RAPGEF5: variants seen among roughly 807,000 people sequenced by gnomAD.
RAPGEF5 encodes M-Ras-regulated GEF.
In RAPGEF5, 65 loss-of-function variants were observed where a neutral mutation model predicts 125.2. The ratio of observed to expected loss-of-function variants is 0.52; its 90% CI spans 0.43 to 0.64. The LOEUF (loss-of-function observed/expected upper bound fraction) is 0.64, where lower values mean the gene tolerates loss of function less well. RAPGEF5 is among the 30% of genes least tolerant of loss of function. The probability of loss-of-function intolerance (pLI) is 0.00; values close to 1 mark genes in which losing one functional copy is unlikely to be tolerated. For missense variants in RAPGEF5, 958 were observed against 1,048.1 expected (o/e 0.91, Z 1.19); for synonymous variants, 391 against 385.9 (o/e 1.01, Z -0.16).
At chr7:22,265,205 T>C (rs1378322893) in intron 7 of RAPGEF5, among the ~76,000 whole-genome samples, 1 of 152,232 alleles carries the variant, frequency 6.6e-6, no homozygotes, top group Non-Finnish European at 1.5e-5. Flanking sequence ...TATTGAACAG[T>C]AGAGAATTTA....
At chr7:22,316,716 T>C (rs1053136834) in intron 2 of RAPGEF5, among the ~76,000 whole-genome samples, 2 of 151,416 alleles carry the variant, frequency 1.3e-5, no homozygotes, top group Non-Finnish European at 2.9e-5. Flanking sequence ...CAGGCTGGTC[T>C]TGAACTCCTG....
intron 9 of RAPGEF5, among the ~76,000 whole-genome samples, chr7:22,207,359 C>T (rs866279040): frequency 4.6e-5 from 7 of 151,980 alleles, no homozygotes; most frequent in South Asian, 4.2e-4. Flanking sequence ...GAGAGTTGCG[C>T]GTTATAGTTT....
chr7:22,263,519 C>T (rs976915219), intron 7 of RAPGEF5, among the ~76,000 whole-genome samples: 3 of 152,020 alleles, frequency 2.0e-5, no homozygotes, highest in Admixed American at 2.0e-4. Flanking sequence ...CACCTGAGGT[C>T]AAGAGTTCAA....
intron 7 of RAPGEF5, among the ~76,000 whole-genome samples, chr7:22,248,806 A>T (rs1786545333): frequency 6.6e-6 from 1 of 152,164 alleles, no homozygotes; most frequent in African/African-American, 2.4e-5. Flanking sequence ...AATACTAAAA[A>T]TCAAAGTGAA....
At chr7:22,324,686 T>C (rs918539188) in intron 1 of RAPGEF5, among the ~76,000 whole-genome samples, 1 of 152,202 alleles carries the variant, frequency 6.6e-6, no homozygotes, top group Admixed American at 6.5e-5. Flanking sequence ...AAATACAACA[T>C]TTATTTCTTT....
intron 6 of RAPGEF5, among the ~76,000 whole-genome samples, chr7:22,289,405 C>T (rs1782877822): frequency 1.3e-5 from 2 of 152,232 alleles, no homozygotes; most frequent in East Asian, 3.8e-4. Flanking sequence ...GCTACTCAAA[C>T]TCTGTAAGCT....
chr7:22,211,940 C>G (rs1785515151), intron 9 of RAPGEF5, among the ~76,000 whole-genome samples: 3 of 149,560 alleles, frequency 2.0e-5, no homozygotes, highest in African/African-American at 7.4e-5. Flanking sequence ...ACATCAGGCC[C>G]CTTGTGTTAT....
intron 7 of RAPGEF5, among the ~76,000 whole-genome samples, chr7:22,244,435 C>A (rs1395071703): frequency 6.6e-6 from 1 of 152,106 alleles, no homozygotes; most frequent in East Asian, 1.9e-4. Flanking sequence ...GGATCAGTAG[C>A]GGCATTAGAT....
chr7:22,345,921 T>C lies in RAPGEF5; in HGVS notation c.231+10909A>G, dbSNP rs141234657. Among the ~76,000 whole-genome samples, 17 of 152,328 alleles carry C rather than the reference T, an allele frequency of 1.1e-4. 1 individual carries two copies. Among genetic ancestry groups the C allele is most frequent in the Non-Finnish European group, 1.9e-4 (13 of 68,020 alleles). ...AACAGATTTATAGATGTGTTCTTTT[T>C]ACTCTTTTGATATGACAGATTCTTG... On this transcript the variant is annotated intron_variant, in intron 1 of 25. Coordinates refer to ENST00000665637, the MANE Select transcript of RAPGEF5 (RefSeq NM_012294.5).
intron 7 of RAPGEF5, among the ~76,000 whole-genome samples, chr7:22,236,464 A>G (rs1786192511): frequency 6.6e-6 from 1 of 152,160 alleles, no homozygotes; most frequent in Non-Finnish European, 1.5e-5. Context: ...CGGCGTGAGG[A>G]CACGAAGGTC....
intron 23 of RAPGEF5, among the ~76,000 whole-genome samples, chr7:22,132,451 C>G (rs2128100206): frequency 6.6e-6 from 1 of 151,968 alleles, no homozygotes; most frequent in Middle Eastern, 3.4e-3. Flanking sequence ...AGTCTCCTGA[C>G]AAACTCTCTG....
intron 2 of RAPGEF5, among the ~76,000 whole-genome samples, chr7:22,316,028 T>C (rs1562525320): frequency 1.3e-5 from 2 of 152,214 alleles, no homozygotes; most frequent in Non-Finnish European, 2.9e-5. Context: ...CGGTTTCATC[T>C]ACTTCATAAT....
intron 7 of RAPGEF5, among the ~76,000 whole-genome samples, chr7:22,258,080 T>C (rs1782046687): frequency 6.6e-6 from 1 of 152,166 alleles, no homozygotes; most frequent in South Asian, 2.1e-4. Flanking sequence ...TTAGAACTCA[T>C]TGGAGTTCAA....
chr7:22,136,964 T>C lies in RAPGEF5; in HGVS notation c.2297A>G (p.Lys766Arg). ...QTWEKIPGKF[K>R]KLFSELESLT... is the part of the protein sequence containing the mutation. The stretch of plus-strand genomic sequence containing the variant: ...ACTTTCAAGTTCAGAGAAAAGTTTC[T>C]TAAACTTCCCAGGGATTTTCTAAAA... The change falls in exon 22 of 26, where the codon AAG becomes AGG. Residue 766 changes from lysine (K) to arginine (R), a missense_variant. Coordinates refer to ENST00000665637, the MANE Select transcript of RAPGEF5 (RefSeq NM_012294.5). 1 of 1,586,236 alleles carries C rather than the reference T, an allele frequency of 6.3e-7. No homozygotes were observed. Among genetic ancestry groups the C allele is most frequent in the African/African-American group, 1.3e-5 (1 of 74,582 alleles).
intron 7 of RAPGEF5, among the ~76,000 whole-genome samples, chr7:22,246,178 T>G (rs911852455): frequency 6.6e-6 from 1 of 152,184 alleles, no homozygotes; most frequent in African/African-American, 2.4e-5. Context: ...TGCAGTGCCA[T>G]TCCTATCAAG....
rs191024318 is a variant in RAPGEF5 at position 22,293,093 on chromosome 7, T to G, written c.681-1852A>C. ...AATATGTGTAAGAGGGACAGAGTGA[T>G]GATCTCCCAAGAGCTGTCCCACAGC... On this transcript the variant is annotated intron_variant, in intron 5 of 25. Transcript: ENST00000665637. 5.3e-5 allele frequency among the ~76,000 whole-genome samples: 8 copies of G among 152,348 alleles called. No homozygotes were observed. The East Asian group carries it at 1.3e-3, about 26-fold the overall frequency.
intron 6 of RAPGEF5, among the ~76,000 whole-genome samples, chr7:22,274,798 A>C (rs1782518878): frequency 6.6e-6 from 1 of 152,138 alleles, no homozygotes; most frequent in South Asian, 2.1e-4. Context: ...TCCATCCCAC[A>C]TCATTCTCTA....
chr7:22,230,534 C>T (rs1786031430), intron 8 of RAPGEF5, among the ~76,000 whole-genome samples: 1 of 152,200 alleles, frequency 6.6e-6, no homozygotes, highest in Non-Finnish European at 1.5e-5. Flanking sequence ...CAAGTTGGTG[C>T]TGTCAGCTGG....
intron 5 of RAPGEF5, among the ~76,000 whole-genome samples, chr7:22,295,008 A>G (rs12673717): frequency 0.098 from 14,880 of 152,244 alleles, 959 homozygotes; most frequent in East Asian, 0.34. Flanking sequence ...ATCACCACTC[A>G]TGCTGTACAT....
Sources: allele counts gnomAD v4.1 joint callset (sites outside exome capture counted in the v4.1 genomes callset), GRCh38; gene constraint gnomAD v4.1.1; transcripts MANE v1.5; gene names NCBI Gene and HGNC (gene_info 2026-07-23, HGNC 2026-07-21).